The following ZMYM4 variants were observed in gnomAD, a reference collection of about 807,000 sequenced individuals.
ZMYM4 encodes the protein zinc finger MYM-type protein 4.
ZMYM4 carries 31 observed loss-of-function variants against 183.2 expected under a neutral mutation model. That is an observed-to-expected ratio of 0.17 (90% CI 0.13 to 0.23). ZMYM4 has a LOEUF of 0.23. Ranked by LOEUF, ZMYM4 falls within the 10% of genes least tolerant of loss-of-function variation. The pLI is 1.00. For synonymous variants in ZMYM4, 592 were observed against 631.2 expected (o/e 0.94, Z 0.93); for missense variants, 1,273 against 1,840.3 (o/e 0.69, Z 5.64).
chr1:35,309,254 T>C (rs1265755856), intron 1 of ZMYM4, among the ~76,000 whole-genome samples: 2 of 152,234 alleles, frequency 1.3e-5, no homozygotes, highest in Non-Finnish European at 2.9e-5. Flanking sequence ...CTTTATTCTT[T>C]GAATGCATTT....
rs71062872 is a variant in ZMYM4, at chr1:35,286,772, A to ATTTTTTTT, written c.39+17718_39+17725dup. On this transcript the variant is annotated intron_variant, in intron 1 of 29. Coordinates refer to ENST00000314607, the MANE Select transcript of ZMYM4 (RefSeq NM_005095.3). Reference sequence around the variant, plus strand: ...ACCCTTGTGCCTGGCTATTTAAATAATTTTTTTTTTTTTTTTTTTTTTTTT... The same window carrying ATTTTTTTT: ...ACCCTTGTGCCTGGCTATTTAAATAATTTTTTTTTTTTTTTTTTTTTTTTTTTTTTTTT... 2.6e-4 allele frequency among the ~76,000 whole-genome samples: 12 copies of ATTTTTTTT among 46,522 alleles called. 1 individual carries two copies. The highest frequency in any genetic ancestry group is 1.1e-3 in the East Asian group (2 of 1,764). 30.5% of individuals were successfully genotyped at this position (46,522 alleles called of 152,430 possible). A position where few individuals can be genotyped will look rare whatever the true frequency, so the allele number is the denominator to read the frequency against.
At chr1:35,291,454 T>C (rs1640757276) in intron 1 of ZMYM4, among the ~76,000 whole-genome samples, 1 of 152,084 alleles carries the variant, frequency 6.6e-6, no homozygotes, top group African/African-American at 2.4e-5. Context: ...TTTTTTCTTT[T>C]ATGGATTATG....
At chr1:35,371,103 G>GTGTA (rs1225158576) in intron 7 of ZMYM4, among the ~76,000 whole-genome samples, 1 of 111,438 alleles carries the variant, frequency 9.0e-6, no homozygotes, top group East Asian at 2.2e-4. Context: ...GTGTGTGTGT[G>GTGTA]TGTGCGCACA....
Position 35,396,614 on chromosome 1 carries a change from A to T in ZMYM4, c.2974A>T (p.Ile992Leu), listed in dbSNP as rs1006220226. ...VPVPVPVFVP[I>L]PLHLYTQYAP... ...AGTTCCCGTACCAGTGTTTGTTCCC[A>T]TACCTCTTCACCTTTATACTCAATA... Residue 992 changes from isoleucine to leucine, a missense_variant, in exon 19 of 30, where the codon ATA becomes TTA. By Grantham distance (5) the Ile-to-Leu change is conservative. This residue lies in a region of ZMYM4 where 290 missense variants were observed against 353.3 expected (regional missense o/e 0.82). Transcript: ENST00000314607. 1 of 1,613,868 alleles carries T rather than the reference A, an allele frequency of 6.2e-7. No individual in the cohort carries two copies. Among genetic ancestry groups the T allele is most frequent in the Admixed American group, 1.7e-5 (1 of 60,004 alleles).
chr1:35,385,058 T>A (rs1644546573), intron 9 of ZMYM4, among the ~76,000 whole-genome samples: 1 of 152,174 alleles, frequency 6.6e-6, no homozygotes, highest in Non-Finnish European at 1.5e-5. Context: ...TTGACCTTGC[T>A]GGTCTTGAAC....
Position 35,287,834 on chromosome 1 carries a change from G to A in ZMYM4, c.39+18749G>A, listed in dbSNP as rs575819801. 9.5e-4 allele frequency among the ~76,000 whole-genome samples: 145 copies of A among 152,148 alleles called. 1 individual carries two copies. The highest frequency in any genetic ancestry group is 3.4e-3 in the Middle Eastern group (1 of 294). On this transcript the variant is annotated intron_variant, in intron 1 of 29. Transcript: ENST00000314607. Reference sequence around the variant, plus strand: ...TTGGTCAGGCTGGTCTCGAACTCCTGACCTCGCGGTCTACCAGCCTTGGCC... The same window carrying A: ...TTGGTCAGGCTGGTCTCGAACTCCTAACCTCGCGGTCTACCAGCCTTGGCC...
chr1:35,269,815 A>G (rs1639506592), intron 1 of ZMYM4, among the ~76,000 whole-genome samples: 1 of 152,184 alleles, frequency 6.6e-6, no homozygotes, highest in African/African-American at 2.4e-5. Context: ...TTGTCTGGAA[A>G]CTTTCCTTAT....
intron 2 of ZMYM4, among the ~76,000 whole-genome samples, chr1:35,337,957 AAAC>A (rs1259357259): frequency 6.6e-6 from 1 of 152,168 alleles, no homozygotes; most frequent in Non-Finnish European, 1.5e-5. Context: ...AATAAAATAA[AAAC>A]AATATAGATA....
Position 35,392,345 on chromosome 1 carries a change from C to T in ZMYM4, c.2721C>T (p.Val907=). The change falls in exon 16 of 30, where the codon GTC becomes GTT. Residue 907 remains valine (V), a synonymous_variant. Transcript: ENST00000314607. ...AGCCTACAGTGAATTCTAACAGTGTCTTACAAGGTATGGCTTGATTGGAAA... is the reference window on the plus strand; with the variant it reads ...AGCCTACAGTGAATTCTAACAGTGTTTTACAAGGTATGGCTTGATTGGAAA... The part of the protein sequence containing the change: ...AAQPTVNSNS[V]LQGAVPTVTA... The T allele has an allele frequency of 6.2e-7, 1 of 1,613,874 alleles. No individual in the cohort carries two copies. The highest frequency in any genetic ancestry group is 1.1e-5 in the South Asian group (1 of 90,990).
At chr1:35,401,963 A>C (rs1411448507) in intron 23 of ZMYM4, among the ~76,000 whole-genome samples, 1 of 152,160 alleles carries the variant, frequency 6.6e-6, no homozygotes, top group East Asian at 1.9e-4. Context: ...CTATTGACTT[A>C]TATGTCTATT....
chr1:35,377,443 A>G (rs1644359573), intron 7 of ZMYM4, among the ~76,000 whole-genome samples: 1 of 152,220 alleles, frequency 6.6e-6, no homozygotes, highest in Admixed American at 6.5e-5. Flanking sequence ...ATTTCCCATT[A>G]TATCTACTAT....
intron 7 of ZMYM4, among the ~76,000 whole-genome samples, chr1:35,371,961 C>A (rs959888056): frequency 2.6e-5 from 4 of 151,942 alleles, no homozygotes; most frequent in Non-Finnish European, 5.9e-5. Flanking sequence ...GTAAAATTGC[C>A]GCTATTTAAA....
intron 5 of ZMYM4, among the ~76,000 whole-genome samples, chr1:35,365,538 C>A (rs1010084196): frequency 6.6e-6 from 1 of 152,060 alleles, no homozygotes; most frequent in Non-Finnish European, 1.5e-5. Flanking sequence ...TCATAATAGT[C>A]ATTCACACAG....
At chr1:35,302,783 A>C (rs1182452087) in intron 1 of ZMYM4, among the ~76,000 whole-genome samples, 2 of 151,970 alleles carry the variant, frequency 1.3e-5, no homozygotes, top group African/African-American at 2.4e-5. Flanking sequence ...GACCTCCTAA[A>C]GTGCTGGGAT....
chr1:35,411,100 TG>T (rs1639870716), intron 26 of ZMYM4, among the ~76,000 whole-genome samples: 2 of 152,136 alleles, frequency 1.3e-5, no homozygotes, highest in Admixed American at 6.5e-5. Flanking sequence ...ACCCATTGTA[TG>T]GGCTTGATAC....
chr1:35,328,349 A>C (rs1001427669), intron 2 of ZMYM4, among the ~76,000 whole-genome samples: 6 of 152,004 alleles, frequency 3.9e-5, no homozygotes, highest in African/African-American at 1.5e-4. Context: ...TGGCATGATC[A>C]TAGCTCACTA....
At chr1:35,396,770 T>C (rs935897593) in intron 19 of ZMYM4, 100 bp downstream of exon 19, 37 of 1,330,988 alleles carry the variant, frequency 2.8e-5, no homozygotes, top group Non-Finnish European at 3.5e-5. Context: ...TAGTAAAATA[T>C]ACCTGCTTCT....
intron 1 of ZMYM4, among the ~76,000 whole-genome samples, chr1:35,273,689 C>T (rs780873442): frequency 2.0e-5 from 3 of 152,066 alleles, no homozygotes; most frequent in Non-Finnish European, 1.5e-5. Flanking sequence ...CAAAACAAAA[C>T]GACCTTTCTT....
intron 1 of ZMYM4, among the ~76,000 whole-genome samples, chr1:35,305,696 A>G (rs1486263252): frequency 6.6e-6 from 1 of 151,836 alleles, no homozygotes; most frequent in Non-Finnish European, 1.5e-5. Flanking sequence ...GGTACACACC[A>G]CTGTGCCTAG....
Sources: gnomAD v4.1 joint callset for allele counts (sites outside exome capture counted in the v4.1 genomes callset) on GRCh38, gnomAD v4.1.1 for gene constraint, gnomAD v4.1.1 regional missense constraint, MANE v1.5 for transcripts, NCBI Gene and HGNC (gene_info 2026-07-23, HGNC 2026-07-21) for gene names.